The following LMO3 variants were observed in gnomAD, a reference collection of about 807,000 sequenced individuals.
The protein encoded by LMO3 is LIM domain only 3, also known as LIM domain only protein 3.
Under a neutral mutation model 15.8 loss-of-function variants are expected in LMO3, and 2 were observed. The observed-to-expected ratio is 0.13, with a 90% CI of 0.05 to 0.40. The LOEUF is 0.40. Ranked by LOEUF, LMO3 falls within the 10% of genes least tolerant of loss-of-function variation. LMO3 has a pLI of 0.99. For missense variants in LMO3, 86 were observed against 182.2 expected, an observed-to-expected ratio of 0.47 and a Z score of 3.04; for synonymous variants, 62 against 63.8, an observed-to-expected ratio of 0.97 and a Z score of 0.13.
At position 16,560,595 on chromosome 12, in the gene LMO3, G is replaced by A. The variant is rs752851249; in HGVS notation, c.207-57C>T. On this transcript the variant is annotated intron_variant, in intron 2 of 3. Coordinates refer to ENST00000537304, the MANE Select transcript of LMO3 (RefSeq NM_018640.5). This position sits in a 1 kb window ranked among gnomAD's most constrained non-coding sequence, Gnocchi z 5.0. ...AACTCTTACAGAGAAATCTGAGATCGTGAAGAGAGATGATGTTAATATACT... is the reference window on the plus strand; with the variant it reads ...AACTCTTACAGAGAAATCTGAGATCATGAAGAGAGATGATGTTAATATACT... The A allele has an allele frequency of 3.9e-5, 58 of 1,489,786 alleles. No individual in the cohort carries two copies. The highest frequency in any genetic ancestry group is 4.8e-5 in the Non-Finnish European group (52 of 1,079,872). 92.3% of individuals were successfully genotyped at this position (1,489,786 alleles called of 1,614,324 possible). A position where few individuals can be genotyped will look rare whatever the true frequency, so the allele number is the denominator to read the frequency against.
At chr12:16,564,280 ATAACTTT>A (rs1464022040) in intron 2 of LMO3, among the ~76,000 whole-genome samples, 170 of 152,332 alleles carry the variant, frequency 1.1e-3, no homozygotes, top group African/African-American at 3.8e-3. Context: ...GAAATATTTA[ATAACTTT>A]TGTGTATGGG....
In LMO3 at chr12:16,576,578, C is replaced by T. The variant is rs1943002065; in HGVS notation, c.207-16040G>A. On this transcript the variant is annotated intron_variant, in intron 2 of 3. Transcript: ENST00000537304. The surrounding 1 kb of genome is among the most constrained non-coding windows in gnomAD (Gnocchi z 4.1). The stretch of plus-strand genomic sequence containing the variant: ...CTACTTCATCTTTCAGAATCTGTAT[C>T]AGTTACGTACCTGTTTGTCTCTTTC... Among the ~76,000 whole-genome samples the T allele has an allele frequency of 6.6e-6, 1 of 152,184 alleles. No homozygotes were observed. The highest frequency in any genetic ancestry group is 1.5e-5 in the Non-Finnish European group (1 of 68,036).
chr12:16,600,291 C>CAAAAAAAAAAAA (rs35993210), intron 2 of LMO3: 5 of 69,676 alleles, frequency 7.2e-5, no homozygotes, highest in Non-Finnish European at 1.3e-4. Context: ...CCTTAAGCTC[C>CAAAAAAAAAAAA]AAAAAAAAAA....
intron 2 of LMO3, among the ~76,000 whole-genome samples, chr12:16,572,629 T>G (rs1178485811): frequency 6.7e-6 from 1 of 148,728 alleles, no homozygotes; most frequent in African/African-American, 2.4e-5. Context: ...ATCCAACTTC[T>G]AACTTGTAAA....
chr12:16,602,189 C>T (rs1943842912), intron 1 of LMO3: 1 of 152,172 alleles, frequency 6.6e-6, no homozygotes, highest in Non-Finnish European at 1.5e-5. Context: ...ACCAAATGTG[C>T]ATGCATTATA....
rs925478662 is a variant in LMO3, at chr12:16,603,844, AAAT to A, written c.-9+2219_-9+2221del. The stretch of plus-strand genomic sequence containing the variant: ...TCCACAACACACAGGGGTTTAAAAA[AAAT>A]AATAATAATGAAAGATTTGCAGCAC... On this transcript the variant is annotated intron_variant, in intron 1 of 3. Coordinates refer to ENST00000537304, the MANE Select transcript of LMO3 (RefSeq NM_018640.5). The surrounding 1 kb of genome is among the most constrained non-coding windows in gnomAD (Gnocchi z 4.9). 3.9e-5 allele frequency among the ~76,000 whole-genome samples: 6 copies of A among 152,200 alleles called. No homozygotes were observed. Among genetic ancestry groups the A allele is most frequent in the Non-Finnish European group, 8.8e-5 (6 of 68,034 alleles).
chr12:16,601,397 A>G (rs1011370946), intron 1 of LMO3, among the ~76,000 whole-genome samples: 3 of 152,216 alleles, frequency 2.0e-5, no homozygotes, highest in African/African-American at 7.2e-5. Flanking sequence ...ATAGTTAAGT[A>G]CACAGAACAG....
Position 16,560,292 on chromosome 12 carries a change from A to T in LMO3, c.332+121T>A. The T allele has an allele frequency of 1.8e-6, 2 of 1,128,186 alleles. No individual in the cohort carries two copies. The highest frequency in any genetic ancestry group is 2.5e-6 in the Non-Finnish European group (2 of 809,630). 69.9% of individuals were successfully genotyped at this position (1,128,186 alleles called of 1,614,324 possible). A position where few individuals can be genotyped will look rare whatever the true frequency, so the allele number is the denominator to read the frequency against. ...TCTCTGGCATGGGATTAAAGTTTAC[A>T]GAACAGAAAAACGCTGAGATTGATT... is the stretch of plus-strand genomic sequence containing the variant. On this transcript the variant is annotated intron_variant, in intron 3 of 3. Coordinates refer to ENST00000537304, the MANE Select transcript of LMO3 (RefSeq NM_018640.5). The surrounding 1 kb of genome is among the most constrained non-coding windows in gnomAD (Gnocchi z 5.0).
In LMO3 at chr12:16,550,924, A is replaced by G. The variant is rs1409115500; in HGVS notation, c.*298T>C. 1 of 269,400 alleles carries G rather than the reference A, an allele frequency of 3.7e-6. No individual in the cohort carries two copies. The highest frequency in any genetic ancestry group is 7.1e-6 in the Non-Finnish European group (1 of 140,366). The allele number at this position is 269,400 out of a possible 1,614,324, so 16.7% of individuals were successfully genotyped here. On this transcript the variant is annotated 3_prime_UTR_variant, in exon 4 of 4. Coordinates refer to ENST00000537304, the MANE Select transcript of LMO3 (RefSeq NM_018640.5). ...ACATTTGTGCTTCAAATATTACAAT[A>G]CATTATATACAATAGTCCAAAATAA...
At position 16,585,817 on chromosome 12, in the gene LMO3, G is replaced by A. The variant is rs562522965; in HGVS notation, c.206+14838C>T. Reference sequence around the variant, plus strand: ...TTGTTAGAAAGTAAATTTGATCTGGGCTTCCCAGGAAACAAAGAAAAGAGG... The same window carrying A: ...TTGTTAGAAAGTAAATTTGATCTGGACTTCCCAGGAAACAAAGAAAAGAGG... On this transcript the variant is annotated intron_variant, in intron 2 of 3. Transcript: ENST00000537304. This position sits in a 1 kb window ranked among gnomAD's most constrained non-coding sequence, Gnocchi z 4.7. 6.6e-6 allele frequency among the ~76,000 whole-genome samples: 1 copy of A among 152,248 alleles called. No homozygotes were observed. The highest frequency in any genetic ancestry group is 6.5e-5 in the Admixed American group (1 of 15,286).
At chr12:16,594,356 A>T (rs1943583130) in intron 2 of LMO3, 1 of 1,248,478 alleles carries the variant, frequency 8.0e-7, no homozygotes, top group Admixed American at 2.8e-5. Flanking sequence ...AAAAGAAAGA[A>T]AAAGGCCATT....
Position 16,585,569 on chromosome 12 carries a change from C to G in LMO3, c.206+15086G>C, listed in dbSNP as rs1943292872. On this transcript the variant is annotated intron_variant, in intron 2 of 3. Transcript: ENST00000537304. This position sits in a 1 kb window ranked among gnomAD's most constrained non-coding sequence, Gnocchi z 4.7. ...TCCCCTTTCCTAAATTCCTCTCACT[C>G]AGCTATCTGAGCATCTCTCATGCAT... Among the ~76,000 whole-genome samples the G allele has an allele frequency of 6.6e-6, 1 of 152,196 alleles. No homozygotes were observed.
intron 2 of LMO3, among the ~76,000 whole-genome samples, chr12:16,592,767 A>G (rs1346433147): frequency 6.6e-6 from 1 of 151,968 alleles, no homozygotes; most frequent in Admixed American, 6.6e-5. Flanking sequence ...TGTGAGCAGT[A>G]TGTCAAAAAA....
At chr12:16,571,979 A>C (rs555673646) in intron 2 of LMO3, among the ~76,000 whole-genome samples, 1 of 152,046 alleles carries the variant, frequency 6.6e-6, no homozygotes, top group Non-Finnish European at 1.5e-5. Context: ...AGTGGGATTT[A>C]AGAGAAAAAT....
chr12:16,551,898 G>A (rs1298285194), intron 3 of LMO3, among the ~76,000 whole-genome samples: 1 of 151,952 alleles, frequency 6.6e-6, no homozygotes. Context: ...TCTAGCATCA[G>A]ATTCTGATGC....
At chr12:16,607,637 G>A (rs1330532361), upstream of LMO3, 1 of 151,910 alleles carries the variant, frequency 6.6e-6, no homozygotes, top group Non-Finnish European at 1.5e-5. Flanking sequence ...GCTTAAAAAT[G>A]GTCCACATTT....
chr12:16,577,221 C>T (rs1943021117), intron 2 of LMO3, among the ~76,000 whole-genome samples: 1 of 152,116 alleles, frequency 6.6e-6, no homozygotes, highest in African/African-American at 2.4e-5. Flanking sequence ...CTAACTTAGG[C>T]AGACAGTCAG....
chr12:16,579,222 C>T (rs896772377), intron 2 of LMO3, among the ~76,000 whole-genome samples: 8 of 151,936 alleles, frequency 5.3e-5, no homozygotes, highest in Admixed American at 1.3e-4. Context: ...TTAGGGTAAC[C>T]GTCATTAAAT....
intron 2 of LMO3, among the ~76,000 whole-genome samples, chr12:16,575,271 G>C (rs1258750386): frequency 6.6e-6 from 1 of 152,062 alleles, no homozygotes; most frequent in African/African-American, 2.4e-5. Flanking sequence ...CAAAAATATA[G>C]GCATAAGGTC....
Sources: gnomAD v4.1 joint callset for allele counts (sites outside exome capture counted in the v4.1 genomes callset) on GRCh38, gnomAD v4.1.1 for gene constraint, Gnocchi (gnomAD v3.1) non-coding constraint, MANE v1.5 for transcripts, NCBI Gene and HGNC (gene_info 2026-07-23, HGNC 2026-07-21) for gene names.